The following ADAM32 variants were observed in gnomAD, a reference collection of about 807,000 sequenced individuals.
The protein encoded by ADAM32 is disintegrin and metalloproteinase domain-containing protein 32.
In ADAM32, 89 loss-of-function variants were observed where a neutral mutation model predicts 114.9. That is an observed-to-expected ratio of 0.77 (90% confidence interval 0.65 to 0.92). The LOEUF is 0.92. Among genes scored for constraint, ADAM32 ranks in the 40% least tolerant of loss-of-function variants. The pLI is 0.00. For synonymous variants in ADAM32, 285 were observed against 307.5 expected (o/e 0.93, Z 0.77); for missense variants, 870 against 932.8 (o/e 0.93, Z 0.88).
intron 19 of ADAM32, among the ~76,000 whole-genome samples, chr8:39,269,639 T>C (rs1404369052): frequency 6.6e-6 from 1 of 152,222 alleles, no homozygotes; most frequent in Non-Finnish European, 1.5e-5. Flanking sequence ...TTAAAGCAAA[T>C]CATTTGTAGC....
At chr8:39,133,911 G>A (rs1009723714) in intron 2 of ADAM32, among the ~76,000 whole-genome samples, 2 of 152,198 alleles carry the variant, frequency 1.3e-5, no homozygotes, top group Non-Finnish European at 2.9e-5. Context: ...CCCTGCTGCT[G>A]GGAGCGCGTG....
chr8:39,111,818 A>G (rs1421738793), intron 1 of ADAM32, among the ~76,000 whole-genome samples: 1 of 151,820 alleles, frequency 6.6e-6, no homozygotes, highest in East Asian at 1.9e-4. Flanking sequence ...TGTTTTGTTG[A>G]AAATGATTCT....
chr8:39,190,680 C>A (rs1219968674), intron 11 of ADAM32, among the ~76,000 whole-genome samples: 1 of 152,188 alleles, frequency 6.6e-6, no homozygotes, highest in Non-Finnish European at 1.5e-5. Flanking sequence ...GAAAAGAGAG[C>A]AGTTTGGCAA....
intron 12 of ADAM32, among the ~76,000 whole-genome samples, chr8:39,214,194 T>TACA (rs1808413639): frequency 6.6e-6 from 1 of 152,166 alleles, no homozygotes; most frequent in Admixed American, 6.5e-5. Context: ...TTCTTTTGGG[T>TACA]ACATACCTAG....
At chr8:39,141,646 C>T (rs2129445195) in intron 3 of ADAM32, among the ~76,000 whole-genome samples, 1 of 152,262 alleles carries the variant, frequency 6.6e-6, no homozygotes, top group South Asian at 2.1e-4. Flanking sequence ...TGATGTGGTG[C>T]TGAGAAGAAT....
At chr8:39,241,877 A>G (rs1810583534) in intron 16 of ADAM32, among the ~76,000 whole-genome samples, 1 of 152,208 alleles carries the variant, frequency 6.6e-6, no homozygotes, top group Non-Finnish European at 1.5e-5. Context: ...ATTTCTTTTC[A>G]GCAAGTGGGA....
At chr8:39,145,905 A>G (rs1265258283) in intron 3 of ADAM32, among the ~76,000 whole-genome samples, 1 of 151,678 alleles carries the variant, frequency 6.6e-6, no homozygotes, top group Non-Finnish European at 1.5e-5. Context: ...TAATTTTGGT[A>G]TTTTTGGTAG....
At chr8:39,262,058 G>A (rs1164300392) in intron 19 of ADAM32, among the ~76,000 whole-genome samples, 1 of 152,072 alleles carries the variant, frequency 6.6e-6, no homozygotes, top group East Asian at 1.9e-4. Flanking sequence ...AATCCCATTT[G>A]TTTATTTTTG....
intron 6 of ADAM32, among the ~76,000 whole-genome samples, chr8:39,159,361 A>C (rs2129445927): frequency 1.3e-5 from 2 of 152,316 alleles, no homozygotes; most frequent in South Asian, 4.2e-4. Flanking sequence ...TATACATGCA[A>C]CACTTATTCC....
At chr8:39,204,363 C>T (rs372331711) in intron 11 of ADAM32, among the ~76,000 whole-genome samples, 26 of 152,184 alleles carry the variant, frequency 1.7e-4, no homozygotes, top group African/African-American at 5.3e-4. Flanking sequence ...ACTTCTTTCT[C>T]GCTTCATTTC....
intron 6 of ADAM32, among the ~76,000 whole-genome samples, chr8:39,151,854 A>G (rs1016493488): frequency 6.6e-6 from 1 of 151,366 alleles, no homozygotes; most frequent in Admixed American, 6.6e-5. Context: ...CAGAGTCTCT[A>G]CAAAAAAGAG....
Position 39,164,788 on chromosome 8 carries a change from A to G in ADAM32, c.619A>G (p.Met207Val). The change falls in exon 8 of 25, where the codon ATG (methionine) becomes GTG (valine). Residue 207 changes from methionine (M) to valine (V), a missense_variant. Met to Val is a conservative substitution (Grantham distance 21). Transcript: ENST00000379907. ...TLYDYWGSDS[M>V]IVTNKVIEIV... ...GTATGATTACTGGGGCTCTGATAGC[A>G]TGATAGTAACAAATAAAGTCATCGA... 6.2e-7 allele frequency: 1 copy of G among 1,607,066 alleles called. No individual in the cohort carries two copies. The highest frequency in any genetic ancestry group is 8.5e-7 in the Non-Finnish European group (1 of 1,176,412).
chr8:39,141,785 T>G (rs1170016520), intron 3 of ADAM32, among the ~76,000 whole-genome samples: 3 of 152,174 alleles, frequency 2.0e-5, no homozygotes, highest in Non-Finnish European at 4.4e-5. Context: ...ATATTGACAG[T>G]GGGGTGTTAA....
chr8:39,232,067 A>G lies in ADAM32; in HGVS notation c.1566A>G (p.Gln522=), dbSNP rs201081714. 1.4e-4 allele frequency: 229 copies of G among 1,612,760 alleles called. No individual in the cohort carries two copies. The African/African-American group carries it at 2.7e-3, about 19-fold the overall frequency. Residue 522 remains glutamine (Q), a synonymous_variant, in exon 15 of 25, where the codon CAA becomes CAG. Transcript: ENST00000379907. ...CATTTGCCTGCTATGAAGAAATACA[A>G]TCTCAATCAGACAGATTTGGGAACT... ...NAPFACYEEI[Q]SQSDRFGNCG...
chr8:39,145,762 C>G (rs1471229929), intron 3 of ADAM32, among the ~76,000 whole-genome samples: 3 of 151,966 alleles, frequency 2.0e-5, no homozygotes, highest in African/African-American at 7.3e-5. Context: ...GACAGGGTCT[C>G]TCTCTGTCAC....
intron 12 of ADAM32, among the ~76,000 whole-genome samples, chr8:39,217,171 T>G (rs1476589036): frequency 2.0e-5 from 3 of 152,044 alleles, no homozygotes; most frequent in Non-Finnish European, 4.4e-5. Context: ...TCCAGCACTT[T>G]TAAATATGTC....
At position 39,136,776 on chromosome 8, in the gene ADAM32, G is replaced by A. The variant is rs1802832391; in HGVS notation, c.200+58G>A. The A allele has an allele frequency of 5.1e-6, 6 of 1,178,368 alleles. No homozygotes were observed. In the South Asian group the frequency reaches 9.7e-5, roughly 19 times the overall value. The allele number at this position is 1,178,368 out of a possible 1,614,324, so 73.0% of individuals were successfully genotyped here. A position where few individuals can be genotyped will look rare whatever the true frequency, so the allele number is the denominator to read the frequency against. ...TTTATTTCTATGAAGCTGTTTACTT[G>A]CAATAGAAAATGGAGTATGAGAAAA... On this transcript the variant is annotated intron_variant, in intron 3 of 24. Coordinates refer to ENST00000379907, the MANE Select transcript of ADAM32 (RefSeq NM_145004.7).
intron 16 of ADAM32, among the ~76,000 whole-genome samples, chr8:39,237,172 G>T (rs112485877): frequency 0.054 from 8,175 of 152,208 alleles, 754 homozygotes; most frequent in African/African-American, 0.19. Flanking sequence ...CATAAAAGTA[G>T]AAGAAGCAGC....
chr8:39,165,122 A>T lies in ADAM32; in HGVS notation c.759A>T (p.Glu253Asp), dbSNP rs775677164. ...TTTCTACAGTTGGTGAGGCAGATGA[A>T]TTATTGCAAAAATTTTTAGAATGGA... is the stretch of plus-strand genomic sequence containing the variant. ...NKISTVGEAD[E>D]LLQKFLEWKQ... Residue 253 changes from glutamate to aspartate, a missense_variant, in exon 9 of 25, where the codon GAA (glutamate) becomes GAT (aspartate). Transcript: ENST00000379907. 1 of 1,607,944 alleles carries T rather than the reference A, an allele frequency of 6.2e-7. No individual in the cohort carries two copies. The highest frequency in any genetic ancestry group is 8.5e-7 in the Non-Finnish European group (1 of 1,175,546).
Sources: allele counts gnomAD v4.1 joint callset (sites outside exome capture counted in the v4.1 genomes callset), GRCh38; gene constraint gnomAD v4.1.1; transcripts MANE v1.5; gene names NCBI Gene and HGNC (gene_info 2026-07-23, HGNC 2026-07-21).